UBE4A: variants seen among roughly 807,000 people sequenced by gnomAD.
UBE4A encodes the protein ubiquitin conjugation factor E4 A.
A neutral mutation model predicts 117.9 loss-of-function variants in UBE4A; 48 were observed. That is an observed-to-expected ratio of 0.41 (90% CI 0.32 to 0.52). The LOEUF (loss-of-function observed/expected upper bound fraction) is 0.52. Ranked by LOEUF, UBE4A falls within the 20% of genes least tolerant of loss-of-function variation. The pLI is 0.33. For synonymous variants in UBE4A, 407 were observed against 450.0 expected, an observed-to-expected ratio of 0.90 and a Z score of 1.21; for missense variants, 1,067 against 1,296.3, an observed-to-expected ratio of 0.82 and a Z score of 2.72.
At chr11:118,369,066 G>A (rs1452422962) in intron 3 of UBE4A, among the ~76,000 whole-genome samples, 1 of 152,164 alleles carries the variant, frequency 6.6e-6, no homozygotes. Flanking sequence ...GAAATGGGAA[G>A]GGTAGCCAAA....
Position 118,396,552 on chromosome 11 carries a change from T to TG in UBE4A, c.*112_*113insG. ...TTCTTTCTTCTTTTCTTTTTCTTTT[T>TG]TTTTTTTTTTTTTACTAAATTAGAG... is the stretch of plus-strand genomic sequence containing the variant. On this transcript the variant is annotated 3_prime_UTR_variant, in exon 20 of 20. Transcript: ENST00000252108. 1 of 1,262,438 alleles carries TG rather than the reference T, an allele frequency of 7.9e-7. No homozygotes were observed. Among genetic ancestry groups the TG allele is most frequent in the Non-Finnish European group, 1.0e-6 (1 of 952,666 alleles). 78.2% of individuals were successfully genotyped at this position (1,262,438 alleles called of 1,614,324 possible). A position where few individuals can be genotyped will look rare whatever the true frequency, so the allele number is the denominator to read the frequency against.
rs1948878393 is a variant in UBE4A at position 118,396,760 on chromosome 11, A to G, written c.*320A>G. The G allele has an allele frequency of 4.8e-6, 1 of 208,210 alleles. No individual in the cohort carries two copies. Among genetic ancestry groups the G allele is most frequent in the Non-Finnish European group, 9.4e-6 (1 of 105,998 alleles). 12.9% of individuals were successfully genotyped at this position (208,210 alleles called of 1,614,324 possible). A position where few individuals can be genotyped will look rare whatever the true frequency, so the allele number is the denominator to read the frequency against. On this transcript the variant is annotated 3_prime_UTR_variant, in exon 20 of 20. Transcript: ENST00000252108. ...TAAATGAAATTATATTATTTCAACTACTAAAACTTCCCGCCACCCTGCTAT... is the reference window on the plus strand; with the variant it reads ...TAAATGAAATTATATTATTTCAACTGCTAAAACTTCCCGCCACCCTGCTAT...
chr11:118,391,335 A>G (rs1555128420), intron 18 of UBE4A, among the ~76,000 whole-genome samples: 2 of 151,918 alleles, frequency 1.3e-5, no homozygotes, highest in African/African-American at 4.8e-5. Context: ...CTAAAAATAC[A>G]AAAATTAGCT....
intron 18 of UBE4A, 146 bp from the exon 19 acceptor site, chr11:118,392,592 T>G: frequency 1.5e-6 from 1 of 688,350 alleles, no homozygotes; most frequent in Non-Finnish European, 2.3e-6. Flanking sequence ...TTTGAGAAAA[T>G]GAAGCTCACG....
chr11:118,382,192 G>A (rs558565647), intron 12 of UBE4A, among the ~76,000 whole-genome samples: 12 of 152,288 alleles, frequency 7.9e-5, no homozygotes, highest in South Asian at 6.2e-4. Flanking sequence ...CACTGTATGC[G>A]TCATGGGTAA....
intron 10 of UBE4A, among the ~76,000 whole-genome samples, chr11:118,377,061 A>T (rs1555125496): frequency 6.6e-6 from 1 of 152,212 alleles, no homozygotes; most frequent in Non-Finnish European, 1.5e-5. Flanking sequence ...TCTTAAAAAA[A>T]AAAGAGAGGA....
At chr11:118,390,869 G>C in intron 18 of UBE4A, 65 bp downstream of exon 18, 1 of 1,574,076 alleles carries the variant, frequency 6.4e-7, no homozygotes, top group Non-Finnish European at 8.7e-7. Context: ...AGGCATGATG[G>C]CTCAAGCCTG....
At chr11:118,389,294 A>C (rs1555127791) in intron 16 of UBE4A, among the ~76,000 whole-genome samples, 7 of 152,240 alleles carry the variant, frequency 4.6e-5, no homozygotes, top group Non-Finnish European at 1.0e-4. Context: ...ACATATGGCC[A>C]GTGGCTACTA....
chr11:118,365,214 G>A lies in UBE4A; in HGVS notation c.121+13G>A, dbSNP rs777340921. On this transcript the variant is annotated intron_variant, in intron 2 of 19. Coordinates refer to ENST00000252108, the MANE Select transcript of UBE4A (RefSeq NM_001204077.2). The stretch of plus-strand genomic sequence containing the variant: ...AAGCAACAATCTGGTAAGTGGAGGA[G>A]CCAATAGCAGCAAATAAGATGACCT... The A allele has an allele frequency of 1.3e-6, 2 of 1,582,408 alleles. No individual in the cohort carries two copies. The highest frequency in any genetic ancestry group is 1.7e-6 in the Non-Finnish European group (2 of 1,164,810).
In UBE4A at chr11:118,375,195, T is replaced by C. The variant is rs1555125186; in HGVS notation, c.1416T>C (p.Asp472=). ...PTYCALKELN[D]EERKIKNVHM... is the part of the protein sequence containing the mutation. Reference sequence around the variant, plus strand: ...ACTGTGCCCTCAAGGAGTTGAATGATGAAGAACGAAAAATTAAAAATGTAC... The same window carrying C: ...ACTGTGCCCTCAAGGAGTTGAATGACGAAGAACGAAAAATTAAAAATGTAC... Residue 472 remains aspartate (D), a synonymous_variant, in exon 9 of 20, where the codon GAT becomes GAC. Coordinates refer to ENST00000252108, the MANE Select transcript of UBE4A (RefSeq NM_001204077.2). 1 of 1,609,760 alleles carries C rather than the reference T, an allele frequency of 6.2e-7. No homozygotes were observed. Among genetic ancestry groups the C allele is most frequent in the South Asian group, 1.1e-5 (1 of 90,726 alleles).
In UBE4A at chr11:118,372,671, G is replaced by A. The variant is rs781228983; in HGVS notation, c.721+5G>A. The A allele has an allele frequency of 6.2e-7, 1 of 1,612,544 alleles. No individual in the cohort carries two copies. The highest frequency in any genetic ancestry group is 8.5e-7 in the Non-Finnish European group (1 of 1,179,666). On this transcript the variant is annotated splice_donor_5th_base_variant and intron_variant, in intron 6 of 19. Transcript: ENST00000252108. ...TAGAAGCCATCCAGGGAGCCCGTGA[G>A]TACATGAACAAGATCTGTAAGCTTC...
At chr11:118,385,453 C>T (rs1337857004) in intron 15 of UBE4A, among the ~76,000 whole-genome samples, 1 of 152,198 alleles carries the variant, frequency 6.6e-6, no homozygotes, top group Admixed American at 6.5e-5. Context: ...GTTGTCAATA[C>T]TTCTCATATT....
chr11:118,381,297 C>G (rs1948703251), intron 11 of UBE4A, 94 bp from the exon 12 acceptor site: 7 of 1,457,038 alleles, frequency 4.8e-6, no homozygotes, highest in Non-Finnish European at 5.6e-6. Context: ...TTTTTTTTAA[C>G]CTTCATTAAG....
intron 11 of UBE4A, among the ~76,000 whole-genome samples, chr11:118,380,180 T>G (rs376522625): frequency 1.7e-3 from 240 of 145,090 alleles, no homozygotes; most frequent in African/African-American, 5.8e-3. Context: ...TGTGTGTCAG[T>G]GAGTCATTGA....
chr11:118,365,513 A>AG lies in UBE4A; in HGVS notation c.121+312_121+313insG, dbSNP rs200834689. On this transcript the variant is annotated intron_variant, in intron 2 of 19. Coordinates refer to ENST00000252108, the MANE Select transcript of UBE4A (RefSeq NM_001204077.2). ...CTGTTTTCTTTAAAAGAAAAAAAAA[A>AG]TCACCTAGTAAAAGCTATTTAAATA... Among the ~76,000 whole-genome samples, 3 of 152,356 alleles carry AG rather than the reference A, an allele frequency of 2.0e-5. No individual in the cohort carries two copies. In the East Asian group the frequency reaches 5.8e-4, roughly 29 times the overall value.
rs1165874668 is a variant in UBE4A, at chr11:118,398,246, C to CGA, written c.*1806_*1807insGA. ...CAAAAACTCAGAAGGCAGCTATTCC[C>CGA]AGCAGCTTCCTAGTTAACAACCCCC... On this transcript the variant is annotated 3_prime_UTR_variant, in exon 20 of 20. Coordinates refer to ENST00000252108, the MANE Select transcript of UBE4A (RefSeq NM_001204077.2). 2 of 152,468 alleles carry CGA rather than the reference C, an allele frequency of 1.3e-5. No homozygotes were observed. Among genetic ancestry groups the CGA allele is most frequent in the African/African-American group, 4.8e-5 (2 of 41,436 alleles). 9.4% of individuals were successfully genotyped at this position (152,468 alleles called of 1,614,324 possible).
At chr11:118,395,966 T>G (rs1165052163) in intron 19 of UBE4A, among the ~76,000 whole-genome samples, 1 of 151,986 alleles carries the variant, frequency 6.6e-6, no homozygotes, top group Admixed American at 6.6e-5. Flanking sequence ...TCCCAGCTAC[T>G]TGGGAGGCTG....
At chr11:118,390,293 A>G (rs1279896351) in intron 17 of UBE4A, among the ~76,000 whole-genome samples, 1 of 151,298 alleles carries the variant, frequency 6.6e-6, no homozygotes, top group Non-Finnish European at 1.5e-5. Flanking sequence ...TTAGAAAAGT[A>G]GCATTCTTTT....
chr11:118,381,329 G>T lies in UBE4A; in HGVS notation c.1877-62G>T. 13 of 1,570,818 alleles carry T rather than the reference G, an allele frequency of 8.3e-6. No individual in the cohort carries two copies. In the South Asian group the frequency reaches 1.4e-4, roughly 17 times the overall value. ...TAAGTAGGGTGAAAGGAATTTAAATGTTGTTTATTAGTACAGATATACAGA... is the reference window on the plus strand; with the variant it reads ...TAAGTAGGGTGAAAGGAATTTAAATTTTGTTTATTAGTACAGATATACAGA... On this transcript the variant is annotated intron_variant, in intron 11 of 19. Transcript: ENST00000252108.
Sources: gnomAD v4.1 joint callset for allele counts (sites outside exome capture counted in the v4.1 genomes callset) on GRCh38, gnomAD v4.1.1 for gene constraint, MANE v1.5 for transcripts, NCBI Gene and HGNC (gene_info 2026-07-23, HGNC 2026-07-21) for gene names.